The following NRG1 variants were observed in gnomAD, a reference collection of about 807,000 sequenced individuals.
The protein encoded by NRG1 is pro-neuregulin-1, membrane-bound isoform.
Under a neutral mutation model 63.8 loss-of-function variants are expected in NRG1, and 18 were observed. That is an observed-to-expected ratio of 0.28 (90% CI 0.19 to 0.42). NRG1 has a LOEUF of 0.42. NRG1 is among the 10% of genes least tolerant of loss of function. The probability of loss-of-function intolerance (pLI) is 1.00; values close to 1 mark genes in which losing one functional copy is unlikely to be tolerated. For missense variants in NRG1, 762 were observed against 814.7 expected (o/e 0.94, Z 0.79); for synonymous variants, 302 against 301.3 (o/e 1.00, Z -0.02).
intron 1 of NRG1, among the ~76,000 whole-genome samples, chr8:32,162,358 C>T (rs184841773): frequency 7.9e-5 from 12 of 152,226 alleles, no homozygotes; most frequent in Non-Finnish European, 1.5e-4. Flanking sequence ...TGAAAGCATG[C>T]GTACATTTTT....
intron 1 of NRG1, among the ~76,000 whole-genome samples, chr8:31,927,438 ACTT>A (rs1834454572): frequency 8.8e-6 from 1 of 113,642 alleles, no homozygotes; most frequent in Admixed American, 1.0e-4. Flanking sequence ...AGAGAAAACT[ACTT>A]TTTTTTTTTT....
rs1459706018 is a variant in NRG1 at position 31,965,846 on chromosome 8, A to G, written c.37+326415A>G. Among the ~76,000 whole-genome samples, 6 of 152,262 alleles carry G rather than the reference A, an allele frequency of 3.9e-5. No homozygotes were observed. The South Asian group carries it at 6.2e-4, about 16-fold the overall frequency. ...GGATGGAGCTGGGAACCATTATCCT[A>G]TGTGAAATAATTAAGAAGCAGAAAA... On this transcript the variant is annotated intron_variant, in intron 1 of 10. Coordinates refer to the NRG1 transcript ENST00000519301.
At position 31,947,187 on chromosome 8, in the gene NRG1, C is replaced by G. The variant is rs545185244; in HGVS notation, c.37+307756C>G. 6.6e-5 allele frequency among the ~76,000 whole-genome samples: 10 copies of G among 151,642 alleles called. No individual in the cohort carries two copies. In the South Asian group the frequency reaches 1.7e-3, roughly 25 times the overall value. On this transcript the variant is annotated intron_variant, in intron 1 of 10. Coordinates refer to the NRG1 transcript ENST00000519301. ...CGGTGGCGGGCGCCTGTAGTCCCAG[C>G]TACTCGGGAGGCTGAGGCAGGAGAA...
intron 1 of NRG1, among the ~76,000 whole-genome samples, chr8:32,352,540 T>C (rs560030219): frequency 6.6e-6 from 1 of 152,210 alleles, no homozygotes; most frequent in East Asian, 1.9e-4. Flanking sequence ...GTCCAAAATA[T>C]TGAACAAATG....
chr8:32,545,723 T>G (rs1424331029), upstream of NRG1, among the ~76,000 whole-genome samples: 1 of 152,154 alleles, frequency 6.6e-6, no homozygotes, highest in South Asian at 2.1e-4. Flanking sequence ...AAAATTAACA[T>G]TAAATAACAT....
At chr8:32,452,198 G>T (rs1240291142) in intron 1 of NRG1, among the ~76,000 whole-genome samples, 1 of 152,090 alleles carries the variant, frequency 6.6e-6, no homozygotes, top group Non-Finnish European at 1.5e-5. Context: ...ATGATAATAA[G>T]ACAATGTTTG....
chr8:32,370,723 T>C (rs778617122), intron 1 of NRG1, among the ~76,000 whole-genome samples: 4 of 150,190 alleles, frequency 2.7e-5, no homozygotes, highest in Non-Finnish European at 5.9e-5. Flanking sequence ...CCAGGCATGG[T>C]GGCAGGTGCC....
At chr8:32,077,641 C>G (rs1359619756) in intron 1 of NRG1, among the ~76,000 whole-genome samples, 1 of 152,146 alleles carries the variant, frequency 6.6e-6, no homozygotes, top group African/African-American at 2.4e-5. Flanking sequence ...TAGAAACTGA[C>G]ATCAAAAAGC....
In NRG1 at chr8:32,052,271, G is replaced by GT. The variant is rs5890615; in HGVS notation, c.37+412862dup. On this transcript the variant is annotated intron_variant, in intron 1 of 10. Transcript: ENST00000519301. The stretch of plus-strand genomic sequence containing the variant: ...AGTTCTTTACATTTTCTTTCCTCCT[G>GT]TTTTTTTTTTTTTTTTTTTTTTGAA... Among the ~76,000 whole-genome samples the GT allele has an allele frequency of 8.6e-3, 789 of 91,388 alleles. 15 individuals are homozygous for GT. Among genetic ancestry groups the GT allele is most frequent in the African/African-American group, 0.023 (592 of 25,874 alleles). The allele number at this position is 91,388 out of a possible 152,430, so 60.0% of individuals were successfully genotyped here.
chr8:31,790,665 C>A (rs1236341879), intron 1 of NRG1, among the ~76,000 whole-genome samples: 1 of 152,158 alleles, frequency 6.6e-6, no homozygotes, highest in East Asian at 1.9e-4. Flanking sequence ...GACTTCATTT[C>A]TTTGAGCTAT....
intron 1 of NRG1, among the ~76,000 whole-genome samples, chr8:31,792,484 C>T (rs1292270923): frequency 6.6e-6 from 1 of 152,190 alleles, no homozygotes; most frequent in Non-Finnish European, 1.5e-5. Context: ...AATCACATGA[C>T]ACAACCATTA....
intron 1 of NRG1, among the ~76,000 whole-genome samples, chr8:32,034,857 C>T (rs1818792650): frequency 1.3e-5 from 2 of 149,578 alleles, no homozygotes; most frequent in Admixed American, 6.8e-5. Flanking sequence ...ATTAGTCTAG[C>T]TAGTGGTCTA....
At chr8:31,942,941 A>C (rs1801983627) in intron 1 of NRG1, among the ~76,000 whole-genome samples, 1 of 151,272 alleles carries the variant, frequency 6.6e-6, no homozygotes, top group African/African-American at 2.5e-5. Context: ...ACACTTTTAC[A>C]CTGTTGGTGG....
chr8:32,109,679 C>T (rs967923508), intron 1 of NRG1, among the ~76,000 whole-genome samples: 1 of 152,046 alleles, frequency 6.6e-6, no homozygotes, highest in Non-Finnish European at 1.5e-5. Context: ...TTCCCTGAAG[C>T]TTTCTCATCA....
chr8:31,849,469 T>C (rs563854979), intron 1 of NRG1, among the ~76,000 whole-genome samples: 1 of 152,358 alleles, frequency 6.6e-6, no homozygotes, highest in East Asian at 1.9e-4. Context: ...GTTTGCCTGT[T>C]ATAAACCTGT....
At chr8:32,461,035 G>T (rs1822245470) in intron 1 of NRG1, among the ~76,000 whole-genome samples, 1 of 152,024 alleles carries the variant, frequency 6.6e-6, no homozygotes, top group Non-Finnish European at 1.5e-5. Context: ...TTTTGAATAT[G>T]GGGCTCTGTC....
At chr8:31,777,788 T>C (rs889403593) in intron 1 of NRG1, among the ~76,000 whole-genome samples, 15 of 152,054 alleles carry the variant, frequency 9.9e-5, no homozygotes, top group African/African-American at 3.6e-4. Flanking sequence ...CAGGCTCTTT[T>C]TAACAGCCAG....
chr8:32,646,890 G>T, intron 5 of NRG1: 1 of 985,010 alleles, frequency 1.0e-6, no homozygotes, highest in Non-Finnish European at 1.2e-6. Context: ...GCGGGGAGTG[G>T]GGGTTGGGAG....
At chr8:31,768,039 A>T (rs2131554306) in intron 1 of NRG1, among the ~76,000 whole-genome samples, 1 of 152,246 alleles carries the variant, frequency 6.6e-6, no homozygotes, top group South Asian at 2.1e-4. Context: ...CATATTTAAG[A>T]TATTGCAGGG....
Sources: allele counts gnomAD v4.1 joint callset (sites outside exome capture counted in the v4.1 genomes callset), GRCh38; gene constraint gnomAD v4.1.1; transcripts MANE v1.5; gene names NCBI Gene and HGNC (gene_info 2026-07-23, HGNC 2026-07-21).